FCAR: variants seen among roughly 807,000 people sequenced by gnomAD.
FCAR encodes the protein immunoglobulin alpha Fc receptor.
In FCAR, 21 loss-of-function variants were observed where a neutral mutation model predicts 27.1. The observed-to-expected ratio is 0.77, with a 90% CI of 0.55 to 1.11. FCAR has a LOEUF of 1.11. Among genes scored for constraint, FCAR ranks in the 50% most tolerant of loss-of-function variants. The probability of loss-of-function intolerance (pLI) is 0.00; values close to 1 mark genes in which losing one functional copy is unlikely to be tolerated. For missense variants in FCAR, 404 were observed against 358.4 expected (o/e 1.13, Z -1.03); for synonymous variants, 134 against 135.8 (o/e 0.99, Z 0.09).
At chr19:54,882,404 C>T (rs1421195713) in intron 2 of FCAR, among the ~76,000 whole-genome samples, 1 of 151,688 alleles carries the variant, frequency 6.6e-6, no homozygotes, top group Non-Finnish European at 1.5e-5. Context: ...ATCGAGTTGC[C>T]AGAGTTCTTG....
rs2066983306 is a variant in FCAR, at chr19:54,889,873, G to A, written c.*10G>A. On this transcript the variant is annotated 3_prime_UTR_variant, in exon 5 of 5. Transcript: ENST00000355524. ...AAGTGTCTGCAAGTAAACACCTGGA[G>A]GTGAAGGCAGAGAGGAGCCAGGACT... is the stretch of plus-strand genomic sequence containing the variant. 6.3e-7 allele frequency: 1 copy of A among 1,589,682 alleles called. No homozygotes were observed. Among genetic ancestry groups the A allele is most frequent in the Non-Finnish European group, 8.5e-7 (1 of 1,170,400 alleles).
At chr19:54,877,096 A>C (rs1453754696) in intron 2 of FCAR, among the ~76,000 whole-genome samples, 2 of 152,206 alleles carry the variant, frequency 1.3e-5, no homozygotes, top group Non-Finnish European at 2.9e-5. Context: ...TTTTGCATCA[A>C]GATGATGCTG....
intron 2 of FCAR, among the ~76,000 whole-genome samples, chr19:54,876,780 G>T (rs2066118679): frequency 6.6e-6 from 1 of 152,096 alleles, no homozygotes; most frequent in South Asian, 2.1e-4. Flanking sequence ...AATTAGCCAG[G>T]CGTGGTGGTG....
chr19:54,889,720 C>G lies in FCAR; in HGVS notation c.721C>G (p.Leu241Val), dbSNP rs1480643860. The change falls in exon 5 of 5, where the codon CTC (leucine) becomes GTC (valine). Residue 241 changes from leucine to valine, a missense_variant. Coordinates refer to ENST00000355524, the MANE Select transcript of FCAR (RefSeq NM_002000.4). ...MAVAGLVLVALLAILVENWHS... is the reference protein window; with the variant it reads ...MAVAGLVLVAVLAILVENWHS... ...CGTGGCAGGACTGGTCCTCGTGGCT[C>G]TCTTGGCCATACTGGTTGAAAATTG... The G allele has an allele frequency of 1.2e-6, 2 of 1,614,036 alleles. No individual in the cohort carries two copies. Among genetic ancestry groups the G allele is most frequent in the Non-Finnish European group, 1.7e-6 (2 of 1,180,036 alleles).
intron 3 of FCAR, among the ~76,000 whole-genome samples, chr19:54,887,714 C>T (rs1186810700): frequency 1.3e-5 from 2 of 151,500 alleles, no homozygotes; most frequent in African/African-American, 2.4e-5. Context: ...GTCAGGAGTT[C>T]GAGACCAGCC....
chr19:54,881,488 A>T (rs1413638531), intron 2 of FCAR, among the ~76,000 whole-genome samples: 1 of 151,864 alleles, frequency 6.6e-6, no homozygotes, highest in Non-Finnish European at 1.5e-5. Flanking sequence ...CCGCGGAATC[A>T]AGCTGGGGCT....
chr19:54,886,529 A>G (rs913479237), intron 3 of FCAR, among the ~76,000 whole-genome samples: 1 of 151,652 alleles, frequency 6.6e-6, no homozygotes, highest in Non-Finnish European at 1.5e-5. Flanking sequence ...GGATGGTCTC[A>G]ATCTTCTGAC....
At chr19:54,888,685 C>T (rs2066894848) in intron 4 of FCAR, 1 of 566,390 alleles carries the variant, frequency 1.8e-6, no homozygotes, top group Non-Finnish European at 2.3e-6. Flanking sequence ...GTAGCTGGGA[C>T]CACACAGACA....
chr19:54,883,286 A>G lies in FCAR; in HGVS notation c.71-1949A>G, dbSNP rs80250797. On this transcript the variant is annotated intron_variant, in intron 2 of 4. Transcript: ENST00000355524. The stretch of plus-strand genomic sequence containing the variant: ...CCTGCCTTGGCCCCCTAACTCTTGT[A>G]TTTTGACAAAGTCGGCAGTAGTGCT... 9.7e-4 allele frequency among the ~76,000 whole-genome samples: 146 copies of G among 149,786 alleles called. 1 individual carries two copies. The highest frequency in any genetic ancestry group is 3.5e-3 in the African/African-American group (140 of 40,506).
intron 2 of FCAR, among the ~76,000 whole-genome samples, chr19:54,884,956 G>A (rs748470154): frequency 5.9e-5 from 9 of 151,990 alleles, no homozygotes; most frequent in East Asian, 3.9e-4. Flanking sequence ...ACACGCGCCC[G>A]CCACCACGTC....
intron 2 of FCAR, among the ~76,000 whole-genome samples, chr19:54,882,458 CAG>C (rs2066480719): frequency 6.8e-6 from 1 of 146,810 alleles, no homozygotes; most frequent in Non-Finnish European, 1.5e-5. Context: ...TTTTTTGTGG[CAG>C]AGTCTTACTC....
intron 2 of FCAR, among the ~76,000 whole-genome samples, chr19:54,880,179 CTT>C (rs767801552): frequency 4.6e-5 from 7 of 152,212 alleles, no homozygotes; most frequent in Non-Finnish European, 1.0e-4. Flanking sequence ...CTCCCCATCT[CTT>C]TCGGGGATGC....
intron 4 of FCAR, chr19:54,888,570 T>G: frequency 1.2e-4 from 131 of 1,130,632 alleles, no homozygotes; most frequent in Non-Finnish European, 1.4e-4. Flanking sequence ...TTTTCCGGGA[T>G]AGAGTCTTGC....
At chr19:54,885,598 GT>G in intron 3 of FCAR, 73 bp downstream of exon 3, 2 of 1,222,148 alleles carry the variant, frequency 1.6e-6, no homozygotes, top group African/African-American at 1.5e-5. Context: ...TTTTCAAGAA[GT>G]TTTAGATTTA....
chr19:54,884,336 A>G (rs1327956847), intron 2 of FCAR, among the ~76,000 whole-genome samples: 1 of 152,136 alleles, frequency 6.6e-6, no homozygotes, highest in East Asian at 1.9e-4. Flanking sequence ...TGCCTCTGCA[A>G]AAACCCCAGT....
chr19:54,878,492 C>T (rs2066225114), intron 2 of FCAR, among the ~76,000 whole-genome samples: 1 of 152,046 alleles, frequency 6.6e-6, no homozygotes, highest in African/African-American at 2.4e-5. Flanking sequence ...AATCCGGGTG[C>T]TTCCATGTTA....
chr19:54,881,773 G>T (rs2066429270), intron 2 of FCAR, among the ~76,000 whole-genome samples: 1 of 152,116 alleles, frequency 6.6e-6, no homozygotes, highest in Non-Finnish European at 1.5e-5. Context: ...TCGGGAGGAG[G>T]ATGAGGCTGA....
chr19:54,890,245 C>G lies in FCAR; in HGVS notation c.*382C>G, dbSNP rs587640721. On this transcript the variant is annotated 3_prime_UTR_variant, in exon 5 of 5. Coordinates refer to ENST00000355524, the MANE Select transcript of FCAR (RefSeq NM_002000.4). Reference sequence around the variant, plus strand: ...CTGAGATTATAGGCATGAGCCACCACGCCTGGCCAGATGCATGTTCAAACC... The same window carrying G: ...CTGAGATTATAGGCATGAGCCACCAGGCCTGGCCAGATGCATGTTCAAACC... 3 of 254,972 alleles carry G rather than the reference C, an allele frequency of 1.2e-5. No individual in the cohort carries two copies. Among genetic ancestry groups the G allele is most frequent in the East Asian group, 9.4e-5 (1 of 10,684 alleles). The allele number at this position is 254,972 out of a possible 1,614,324, so 15.8% of individuals were successfully genotyped here.
intron 3 of FCAR, among the ~76,000 whole-genome samples, chr19:54,886,120 C>T (rs587713393): frequency 6.6e-6 from 1 of 151,870 alleles, no homozygotes; most frequent in South Asian, 2.1e-4. Context: ...TGGTGGCACA[C>T]GCCTGTAATC....
Sources: gnomAD v4.1 joint callset for allele counts (sites outside exome capture counted in the v4.1 genomes callset) on GRCh38, gnomAD v4.1.1 for gene constraint, MANE v1.5 for transcripts, NCBI Gene and HGNC (gene_info 2026-07-23, HGNC 2026-07-21) for gene names.